The following MPP7 variants were observed in gnomAD, a reference collection of about 807,000 sequenced individuals.
MPP7 encodes the protein MAGUK p55 scaffold protein 7.
In MPP7, 60 loss-of-function variants were observed where a neutral mutation model predicts 76.5. That is an observed-to-expected ratio of 0.78 (90% CI 0.64 to 0.97). The LOEUF (loss-of-function observed/expected upper bound fraction) is 0.97. Among genes scored for constraint, MPP7 ranks in the 50% least tolerant of loss-of-function variants. The pLI, the probability that MPP7 is intolerant of heterozygous loss-of-function variation, is 0.00. For synonymous variants in MPP7, 237 were observed against 244.5 expected, an observed-to-expected ratio of 0.97 and a Z score of 0.29; for missense variants, 641 against 694.0, an observed-to-expected ratio of 0.92 and a Z score of 0.86.
chr10:28,330,405 A>C (rs1148189), intron 1 of MPP7, among the ~76,000 whole-genome samples: 40,992 of 152,102 alleles, frequency 0.27, 7,204 homozygotes, highest in African/African-American at 0.5. Flanking sequence ...ACCTGTGAAT[A>C]GCTACTGTGC....
At chr10:28,310,717 T>G (rs529152233) in intron 2 of MPP7, among the ~76,000 whole-genome samples, 1 of 152,316 alleles carries the variant, frequency 6.6e-6, no homozygotes, top group African/African-American at 2.4e-5. Context: ...CACCTGGATC[T>G]ACCTCATTAC....
chr10:28,183,954 T>A (rs983359595), intron 3 of MPP7, among the ~76,000 whole-genome samples: 1 of 152,148 alleles, frequency 6.6e-6, no homozygotes, highest in African/African-American at 2.4e-5. Flanking sequence ...GGTGACTTAA[T>A]ATGTTCCAGA....
intron 1 of MPP7, among the ~76,000 whole-genome samples, chr10:28,294,614 A>T (rs1205135380): frequency 1.3e-5 from 2 of 152,240 alleles, no homozygotes; most frequent in African/African-American, 4.8e-5. Flanking sequence ...TTAAAAAGTA[A>T]TTGAGTAATC....
At chr10:28,234,455 G>T (rs2134124662) in intron 2 of MPP7, among the ~76,000 whole-genome samples, 1 of 152,226 alleles carries the variant, frequency 6.6e-6, no homozygotes, top group South Asian at 2.1e-4. Context: ...CTGTAAGTGT[G>T]GGCTGCACAA....
chr10:28,106,469 G>C (rs1588776586), intron 11 of MPP7, among the ~76,000 whole-genome samples: 1 of 152,112 alleles, frequency 6.6e-6, no homozygotes, highest in African/African-American at 2.4e-5. Context: ...ATTATATTGG[G>C]GGCTGTTTAG....
At chr10:28,194,885 A>T (rs1698379636) in intron 3 of MPP7, among the ~76,000 whole-genome samples, 1 of 152,236 alleles carries the variant, frequency 6.6e-6, no homozygotes, top group Admixed American at 6.5e-5. Context: ...TAATGTATCA[A>T]CCAACATTGG....
Position 28,333,860 on chromosome 10 carries a change from C to T in MPP7, c.-206+558G>A, listed in dbSNP as rs551402170. Among the ~76,000 whole-genome samples, 216 of 152,114 alleles carry T rather than the reference C, an allele frequency of 1.4e-3. 1 individual carries two copies. Among genetic ancestry groups the T allele is most frequent in the Middle Eastern group, 3.4e-3 (1 of 294 alleles). On this transcript the variant is annotated intron_variant, in intron 1 of 11. Transcript: ENST00000441595. ...CCAGATGTAGATGAAAAATTTGGGCCGAGAAATTTTTGTATGGGCTGCACA... is the reference window on the plus strand; with the variant it reads ...CCAGATGTAGATGAAAAATTTGGGCTGAGAAATTTTTGTATGGGCTGCACA...
rs866749574 is a variant in MPP7, at chr10:28,069,849, G to A, written c.1127C>T (p.Pro376Leu). The A allele has an allele frequency of 6.2e-7, 1 of 1,613,176 alleles. No individual in the cohort carries two copies. Among genetic ancestry groups the A allele is most frequent in the Admixed American group, 1.7e-5 (1 of 59,948 alleles). Residue 376 changes from proline (P) to leucine (L), a missense_variant, in exon 13 of 17, where the codon CCC (proline) becomes CTC (leucine). Pro to Leu is a moderately conservative substitution (Grantham distance 98). Transcript: ENST00000683449. ...CAGTTCATTCAGCCCTACTCCCACG[G>A]GACCTGAAAAACAGGGTAACAGAAA... ...EKYRLVVLVG[P>L]VGVGLNELKR... is the part of the protein sequence containing the mutation.
rs114190453 is a variant in MPP7 at position 28,255,435 on chromosome 10, G to T, written c.-131-16700C>A. On this transcript the variant is annotated intron_variant, in intron 1 of 16. Transcript: ENST00000683449. ...CACCTTTTTCTTTTTTTTTTTTTCT[G>T]CAACGGAGTCTCACTGTCACCCAGG... is the stretch of plus-strand genomic sequence containing the variant. 7.5e-3 allele frequency among the ~76,000 whole-genome samples: 1,064 copies of T among 141,644 alleles called. 9 individuals are homozygous for T. The highest frequency in any genetic ancestry group is 0.027 in the African/African-American group (1,018 of 37,980). The allele number at this position is 141,644 out of a possible 152,430, so 92.9% of individuals were successfully genotyped here.
chr10:28,100,199 C>G (rs1308160698), intron 11 of MPP7, among the ~76,000 whole-genome samples: 1 of 150,484 alleles, frequency 6.6e-6, no homozygotes, highest in Non-Finnish European at 1.5e-5. Context: ...TTTCTGACAA[C>G]CAAACATTGA....
chr10:28,233,198 G>A (rs547891165), intron 2 of MPP7, among the ~76,000 whole-genome samples: 51 of 152,260 alleles, frequency 3.3e-4, no homozygotes, highest in Middle Eastern at 3.4e-3. Flanking sequence ...ATGGTGGATG[G>A]TAGTAGCAGG....
chr10:28,316,704 T>C (rs1225702323), intron 2 of MPP7, among the ~76,000 whole-genome samples: 1 of 152,152 alleles, frequency 6.6e-6, no homozygotes, highest in African/African-American at 2.4e-5. Flanking sequence ...GAGTTGTATG[T>C]AGACATGCAT....
intron 1 of MPP7, among the ~76,000 whole-genome samples, chr10:28,272,909 GT>G (rs74345938): frequency 0.15 from 22,663 of 151,664 alleles, 1,793 homozygotes; most frequent in South Asian, 0.19. Context: ...AAAATGGTTT[GT>G]TTTTTTTGTT....
chr10:28,085,330 T>C (rs537634014), intron 12 of MPP7, among the ~76,000 whole-genome samples: 1 of 152,308 alleles, frequency 6.6e-6, no homozygotes, highest in African/African-American at 2.4e-5. Context: ...GTAGTCATGA[T>C]GAGGACTGAA....
At chr10:28,271,575 G>A (rs562067158) in intron 1 of MPP7, among the ~76,000 whole-genome samples, 17 of 152,204 alleles carry the variant, frequency 1.1e-4, no homozygotes, top group African/African-American at 3.6e-4. Flanking sequence ...GAAAGGTAGG[G>A]AGCCCTGTTT....
At chr10:28,056,456 GC>G (rs759529058) in intron 16 of MPP7, 23 bp downstream of exon 16, 8 of 1,600,930 alleles carry the variant, frequency 5.0e-6, no homozygotes, top group Non-Finnish European at 6.0e-6. Context: ...ACCACACCTG[GC>G]CCCCAAGCAT....
At chr10:28,149,901 A>G (rs940940983) in intron 4 of MPP7, 81 bp downstream of exon 4, 2 of 951,368 alleles carry the variant, frequency 2.1e-6, no homozygotes, top group Non-Finnish European at 3.2e-6. Context: ...GATCACACGC[A>G]TCTGTCTGCA....
At chr10:28,316,009 A>C (rs772787769) in intron 2 of MPP7, among the ~76,000 whole-genome samples, 6 of 152,208 alleles carry the variant, frequency 3.9e-5, no homozygotes, top group African/African-American at 9.6e-5. Flanking sequence ...AAAATTGCCA[A>C]GGTAATCAGA....
At chr10:28,331,763 T>G (rs567488916) in intron 1 of MPP7, among the ~76,000 whole-genome samples, 1 of 151,998 alleles carries the variant, frequency 6.6e-6, no homozygotes, top group African/African-American at 2.4e-5. Context: ...TTAGTAAAGA[T>G]GAGATTTCAC....
Sources: allele counts gnomAD v4.1 joint callset (sites outside exome capture counted in the v4.1 genomes callset), GRCh38; gene constraint gnomAD v4.1.1; transcripts MANE v1.5; gene names NCBI Gene and HGNC (gene_info 2026-07-23, HGNC 2026-07-21).